Variants in RAB5A observed in about 807,000 individuals in gnomAD.
RAB5A encodes ras-related protein Rab-5A.
RAB5A carries 8 observed loss-of-function variants against 25.7 expected under a neutral mutation model. The ratio of observed to expected loss-of-function variants is 0.31; its 90% CI spans 0.18 to 0.56. RAB5A has a LOEUF of 0.56. Ranked by LOEUF, RAB5A falls within the 20% of genes least tolerant of loss-of-function variation. The probability of loss-of-function intolerance (pLI) is 0.91; values close to 1 mark genes in which losing one functional copy is unlikely to be tolerated. For synonymous variants in RAB5A, 98 were observed against 89.8 expected, an observed-to-expected ratio of 1.09 and a Z score of -0.52; for missense variants, 192 against 259.7, an observed-to-expected ratio of 0.74 and a Z score of 1.79.
chr3:19,965,051 A>T lies in RAB5A; in HGVS notation c.164-10550A>T, dbSNP rs191589792. On this transcript the variant is annotated intron_variant, in intron 2 of 5. Coordinates refer to ENST00000273047, the MANE Select transcript of RAB5A (RefSeq NM_004162.5). ...GTTCACCTGTCTCTGCCTCTCAGATAGCTGGGATTGCAGGTGCATGCCACC... is the reference window on the plus strand; with the variant it reads ...GTTCACCTGTCTCTGCCTCTCAGATTGCTGGGATTGCAGGTGCATGCCACC... Among the ~76,000 whole-genome samples, 4 of 151,974 alleles carry T rather than the reference A, an allele frequency of 2.6e-5. No individual in the cohort carries two copies. In the East Asian group the frequency reaches 5.8e-4, roughly 22 times the overall value.
intron 5 of RAB5A, among the ~76,000 whole-genome samples, chr3:19,981,836 T>A (rs757118582): frequency 5.3e-5 from 8 of 152,116 alleles, no homozygotes; most frequent in Non-Finnish European, 1.2e-4. Flanking sequence ...GCCACACTCA[T>A]CGGACTCAAA....
chr3:19,976,526 A>C (rs1284129573), intron 4 of RAB5A, among the ~76,000 whole-genome samples: 1 of 152,144 alleles, frequency 6.6e-6, no homozygotes, highest in East Asian at 1.9e-4. Context: ...TCTCTACTAA[A>C]AATACAAAAT....
At chr3:19,971,212 A>AAC (rs1208922270) in intron 2 of RAB5A, among the ~76,000 whole-genome samples, 1 of 139,556 alleles carries the variant, frequency 7.2e-6, no homozygotes, top group Non-Finnish European at 1.6e-5. Flanking sequence ...AAAAAAAAAA[A>AAC]AAACACTATA....
intron 5 of RAB5A, among the ~76,000 whole-genome samples, chr3:19,981,601 G>C (rs986643920): frequency 6.8e-6 from 1 of 147,048 alleles, no homozygotes; most frequent in East Asian, 2.0e-4. Flanking sequence ...GTGACAGAGC[G>C]AGACTCCGCC....
At chr3:19,980,746 C>T (rs927272127) in intron 5 of RAB5A, among the ~76,000 whole-genome samples, 2 of 152,120 alleles carry the variant, frequency 1.3e-5, no homozygotes, top group Admixed American at 6.6e-5. Context: ...CTTGTAAATA[C>T]ATTTGACTGG....
At chr3:19,958,793 C>G (rs1170746037) in intron 2 of RAB5A, among the ~76,000 whole-genome samples, 2 of 152,126 alleles carry the variant, frequency 1.3e-5, no homozygotes, top group East Asian at 1.9e-4. Context: ...TGAGATCACA[C>G]CACTGCACTT....
At chr3:19,974,016 C>T (rs1044440158) in intron 2 of RAB5A, among the ~76,000 whole-genome samples, 1 of 152,080 alleles carries the variant, frequency 6.6e-6, no homozygotes, top group Admixed American at 6.6e-5. Flanking sequence ...GGAAATAGGG[C>T]TTGAATATCA....
chr3:19,957,552 A>G (rs1364066024), intron 2 of RAB5A, among the ~76,000 whole-genome samples: 1 of 151,600 alleles, frequency 6.6e-6, no homozygotes, highest in Non-Finnish European at 1.5e-5. Flanking sequence ...AATTCCAGCT[A>G]CTCGGGAGGC....
intron 2 of RAB5A, among the ~76,000 whole-genome samples, chr3:19,955,660 G>C (rs1014059491): frequency 4.6e-5 from 7 of 152,134 alleles, no homozygotes; most frequent in African/African-American, 2.4e-5. Flanking sequence ...TTGGGAGGCT[G>C]AGGCGGGCGG....
At chr3:19,951,732 C>G (rs1228545053) in intron 2 of RAB5A, among the ~76,000 whole-genome samples, 1 of 59,482 alleles carries the variant, frequency 1.7e-5, no homozygotes, top group African/African-American at 7.5e-5. Flanking sequence ...GAGTCAGAGT[C>G]TCGCTGTGTT....
Position 19,947,380 on chromosome 3 carries a change from G to A in RAB5A, c.-235G>A. Reference sequence around the variant, plus strand: ...CACGGCACGAGCCCCGCACAGTCCAGTGTGAGGGGAGCGGCGCTAAGAGCA... The same window carrying A: ...CACGGCACGAGCCCCGCACAGTCCAATGTGAGGGGAGCGGCGCTAAGAGCA... On this transcript the variant is annotated 5_prime_UTR_variant, in exon 1 of 6. The change creates a new upstream start codon in the 5' untranslated region. Coordinates refer to ENST00000273047, the MANE Select transcript of RAB5A (RefSeq NM_004162.5). The A allele has an allele frequency of 6.2e-6, 1 of 160,302 alleles. No individual in the cohort carries two copies. Among genetic ancestry groups the A allele is most frequent in the Non-Finnish European group, 1.4e-5 (1 of 74,014 alleles). The allele number at this position is 160,302 out of a possible 1,614,324, so 9.9% of individuals were successfully genotyped here.
chr3:19,981,727 C>T (rs926319463), intron 5 of RAB5A, among the ~76,000 whole-genome samples: 1 of 151,978 alleles, frequency 6.6e-6, no homozygotes, highest in African/African-American at 2.4e-5. Flanking sequence ...TTTTTTTAAT[C>T]AGTGGGAAGC....
intron 1 of RAB5A, among the ~76,000 whole-genome samples, chr3:19,948,914 T>A (rs951908451): frequency 6.6e-6 from 1 of 152,230 alleles, no homozygotes; most frequent in African/African-American, 2.4e-5. Flanking sequence ...GCATTTTCAG[T>A]ATATATGATG....
chr3:19,977,573 C>T (rs1399935039), intron 4 of RAB5A, among the ~76,000 whole-genome samples: 3 of 152,172 alleles, frequency 2.0e-5, no homozygotes, highest in East Asian at 3.8e-4. Flanking sequence ...CTTAGGACAA[C>T]GATGTGAGAT....
At chr3:19,949,374 G>C (rs1696388102) in intron 1 of RAB5A, among the ~76,000 whole-genome samples, 1 of 152,092 alleles carries the variant, frequency 6.6e-6, no homozygotes, top group Non-Finnish European at 1.5e-5. Flanking sequence ...TATGGGAAAG[G>C]CATATTTCTT....
chr3:19,964,933 CTTTA>C (rs1309960415), intron 2 of RAB5A, among the ~76,000 whole-genome samples: 3 of 109,398 alleles, frequency 2.7e-5, no homozygotes, highest in Non-Finnish European at 7.0e-5. Flanking sequence ...TACTTACTTA[CTTTA>C]TTTATTTATT....
At chr3:19,972,807 A>G (rs1696769298) in intron 2 of RAB5A, among the ~76,000 whole-genome samples, 1 of 152,114 alleles carries the variant, frequency 6.6e-6, no homozygotes, top group Admixed American at 6.6e-5. Context: ...TTGTACATGT[A>G]TGGTGTACAT....
At chr3:19,975,971 T>C in intron 3 of RAB5A, 76 bp from the exon 4 acceptor site, 1 of 1,529,962 alleles carries the variant, frequency 6.5e-7, no homozygotes, top group East Asian at 2.3e-5. Flanking sequence ...GACAGTCTTT[T>C]AAAGCCTTGT....
intron 1 of RAB5A, among the ~76,000 whole-genome samples, chr3:19,949,356 G>C (rs1385335300): frequency 6.6e-6 from 1 of 152,154 alleles, no homozygotes; most frequent in Admixed American, 6.5e-5. Context: ...CGTATTATAA[G>C]CTCATTTTAT....
Sources: allele counts gnomAD v4.1 joint callset (sites outside exome capture counted in the v4.1 genomes callset), GRCh38; gene constraint gnomAD v4.1.1; transcripts MANE v1.5; gene names NCBI Gene and HGNC (gene_info 2026-07-23, HGNC 2026-07-21).